The following HBS1L variants were observed in gnomAD, a reference collection of about 807,000 sequenced individuals.
The protein encoded by HBS1L is HBS1 like translational GTPase, also known as HBS1-like protein.
HBS1L carries 55 observed loss-of-function variants against 88.9 expected under a neutral mutation model. That is an observed-to-expected ratio of 0.62 (90% CI 0.50 to 0.77). The LOEUF is 0.77. Ranked by LOEUF, HBS1L falls within the 30% of genes least tolerant of loss-of-function variation. The pLI, the probability that HBS1L is intolerant of heterozygous loss-of-function variation, is 0.00. For missense variants in HBS1L, 741 were observed against 829.3 expected, an observed-to-expected ratio of 0.89 and a Z score of 1.31; for synonymous variants, 267 against 288.5, an observed-to-expected ratio of 0.93 and a Z score of 0.76.
rs753293552 is a variant in HBS1L, at chr6:134,993,818, T to C, written c.1023A>G (p.Thr341=). 12 of 1,607,628 alleles carry C rather than the reference T, an allele frequency of 7.5e-6. No individual in the cohort carries two copies. Among genetic ancestry groups the C allele is most frequent in the African/African-American group, 1.3e-5 (1 of 74,856 alleles). The change falls in exon 8 of 18, where the codon ACA becomes ACG. Residue 341 remains threonine (T), a synonymous_variant. Transcript: ENST00000367837. ...CCTTATGGCCTGGAGCATCCATTAATGTAATAACTTTGGTTGTGGTTTCAA... is the reference window on the plus strand; with the variant it reads ...CCTTATGGCCTGGAGCATCCATTAACGTAATAACTTTGGTTGTGGTTTCAA... ...TKFETTTKVI[T]LMDAPGHKDF... is the part of the protein sequence containing the mutation.
intron 2 of HBS1L, among the ~76,000 whole-genome samples, chr6:135,043,623 C>T (rs1005100079): frequency 1.3e-5 from 2 of 152,076 alleles, no homozygotes; most frequent in Non-Finnish European, 2.9e-5. Flanking sequence ...TTCTAAAAGC[C>T]AAATGAGTAA....
chr6:134,997,682 TA>T (rs759095321), intron 5 of HBS1L, 26 bp from the exon 6 acceptor site: 2 of 1,607,348 alleles, frequency 1.2e-6, no homozygotes, highest in Non-Finnish European at 8.5e-7. Context: ...AGGAAAAAAG[TA>T]TTTGAAACCA....
chr6:135,037,284 G>A (rs1040400877), intron 4 of HBS1L: 4 of 1,551,946 alleles, frequency 2.6e-6, no homozygotes, highest in Middle Eastern at 1.7e-4. Context: ...ATAAAGTAAA[G>A]CACTGGCTTA....
chr6:134,993,035 C>T (rs1775188431), intron 8 of HBS1L, among the ~76,000 whole-genome samples: 1 of 152,160 alleles, frequency 6.6e-6, no homozygotes, highest in Non-Finnish European at 1.5e-5. Flanking sequence ...CAAATATTTA[C>T]CACTGTGCCA....
At chr6:134,997,039 G>T in intron 6 of HBS1L, 97 bp from the exon 7 acceptor site, 1 of 890,714 alleles carries the variant, frequency 1.1e-6, no homozygotes, top group Non-Finnish European at 1.7e-6. Context: ...CATGTCAGTG[G>T]TTTACAGTAA....
At chr6:134,978,575 C>G (rs9376077) in intron 15 of HBS1L, 104 bp downstream of exon 15, 291,894 of 576,146 alleles carry the variant, frequency 0.51, 74,486 homozygotes, top group South Asian at 0.57. Flanking sequence ...GATGTTAATT[C>G]AAAATAAATA....
At position 135,035,824 on chromosome 6, in the gene HBS1L, TA is replaced by T. The variant is rs1429789339; in HGVS notation, c.430+3748del. The T allele has an allele frequency of 5.3e-6, 3 of 563,730 alleles. No homozygotes were observed. In the Admixed American group the frequency reaches 2.3e-4, roughly 43 times the overall value. 34.9% of individuals were successfully genotyped at this position (563,730 alleles called of 1,614,324 possible). On this transcript the variant is annotated intron_variant, in intron 4 of 17. Transcript: ENST00000367837. Reference sequence around the variant, plus strand: ...AGCAGCAGAAGCTAAAGAGATCTGGTAAAATTCTCCATTCAAAGAACATGCA... The same window carrying T: ...AGCAGCAGAAGCTAAAGAGATCTGGTAAATTCTCCATTCAAAGAACATGCA...
chr6:135,008,630 T>C (rs1273786111), intron 4 of HBS1L, among the ~76,000 whole-genome samples: 1 of 151,696 alleles, frequency 6.6e-6, no homozygotes, highest in Non-Finnish European at 1.5e-5. Context: ...GTCCTGAAGA[T>C]TTTTTTTTCA....
chr6:134,961,317 T>C lies in HBS1L; in HGVS notation c.*3962A>G, dbSNP rs528452763. 6.6e-6 allele frequency: 1 copy of C among 152,318 alleles called. No individual in the cohort carries two copies. Among genetic ancestry groups the C allele is most frequent in the South Asian group, 2.1e-4 (1 of 4,828 alleles). The allele number at this position is 152,318 out of a possible 1,614,324, so 9.4% of individuals were successfully genotyped here. A position where few individuals can be genotyped will look rare whatever the true frequency, so the allele number is the denominator to read the frequency against. ...CTTCATTATTTTGTTTTGCATTGTA[T>C]TTTACACCTACATTTACACTATTAA... On this transcript the variant is annotated 3_prime_UTR_variant, in exon 18 of 18. Transcript: ENST00000367837.
intron 4 of HBS1L, chr6:135,036,279 C>T (rs1776545324): frequency 9.9e-7 from 1 of 1,007,772 alleles, no homozygotes; most frequent in Non-Finnish European, 1.2e-6. Context: ...ATGCTTCAAA[C>T]AAAAATATAT....
intron 10 of HBS1L, 49 bp from the exon 11 acceptor site, chr6:134,986,232 A>ATGTT: frequency 1.1e-6 from 1 of 939,056 alleles, no homozygotes; most frequent in Non-Finnish European, 1.7e-6. Context: ...TTTTTAAAAC[A>ATGTT]TTAAAAGATT....
rs1014410672 is a variant in HBS1L, at chr6:135,026,454, C to T, written c.430+13119G>A. Among the ~76,000 whole-genome samples the T allele has an allele frequency of 3.3e-5, 5 of 151,978 alleles. No homozygotes were observed. The East Asian group carries it at 5.8e-4, about 18-fold the overall frequency. ...CACAAAGATAAAAACAAACACAAAT[C>T]GTATCAAAATATGTAAATATAAAAG... On this transcript the variant is annotated intron_variant, in intron 4 of 17. Coordinates refer to ENST00000367837, the MANE Select transcript of HBS1L (RefSeq NM_006620.4).
At chr6:135,032,933 G>C (rs565916859) in intron 4 of HBS1L, among the ~76,000 whole-genome samples, 25 of 67,292 alleles carry the variant, frequency 3.7e-4, no homozygotes, top group Non-Finnish European at 7.2e-4. Context: ...TTAGTAACTA[G>C]GAAAAAGGAA....
At chr6:135,045,703 C>T (rs1035892093) in intron 2 of HBS1L, among the ~76,000 whole-genome samples, 3 of 152,036 alleles carry the variant, frequency 2.0e-5, no homozygotes, top group Admixed American at 6.6e-5. Flanking sequence ...GGCGTGGTGG[C>T]GGGCGCCTGC....
intron 4 of HBS1L, chr6:135,037,747 T>C: frequency 6.4e-7 from 1 of 1,551,106 alleles, no homozygotes; most frequent in Non-Finnish European, 8.7e-7. Context: ...TGGCTGACTT[T>C]CACAGGAATC....
intron 4 of HBS1L, chr6:135,035,750 C>CAAAAAAAAAAAAAAAAAAAA (rs34517904): frequency 2.8e-5 from 2 of 71,084 alleles, no homozygotes; most frequent in African/African-American, 1.5e-4. Context: ...GACTCTGTCT[C>CAAAAAAAAAAAAAAAAAAAA]AAAAAAAAAA....
At chr6:135,024,451 A>C (rs1202989154) in intron 4 of HBS1L, among the ~76,000 whole-genome samples, 4 of 149,972 alleles carry the variant, frequency 2.7e-5, no homozygotes, top group Non-Finnish European at 5.9e-5. Context: ...AAAAAAAAAA[A>C]AAAAAAAAAA....
In HBS1L at chr6:135,046,043, C is replaced by T. The variant is rs77705921; in HGVS notation, c.110-3917G>A. On this transcript the variant is annotated intron_variant, in intron 2 of 17. Coordinates refer to ENST00000367837, the MANE Select transcript of HBS1L (RefSeq NM_006620.4). ...AAACACAAAATTAGAAACTGTCTTT[C>T]ACAATTTCATTCCTATTTTCTTTCC... Among the ~76,000 whole-genome samples, 89 of 152,330 alleles carry T rather than the reference C, an allele frequency of 5.8e-4. 1 individual carries two copies. In the East Asian group the frequency reaches 0.017, roughly 28 times the overall value.
intron 13 of HBS1L, among the ~76,000 whole-genome samples, chr6:134,981,732 G>A (rs950340448): frequency 1.3e-5 from 2 of 151,758 alleles, no homozygotes; most frequent in African/African-American, 4.8e-5. Flanking sequence ...TTGGAAGCCA[G>A]AATAAAAGAG....
Sources: gnomAD v4.1 joint callset for allele counts (sites outside exome capture counted in the v4.1 genomes callset) on GRCh38, gnomAD v4.1.1 for gene constraint, MANE v1.5 for transcripts, NCBI Gene and HGNC (gene_info 2026-07-23, HGNC 2026-07-21) for gene names.